ANKS1B: variants seen among roughly 807,000 people sequenced by gnomAD.
ANKS1B encodes ankyrin repeat and sterile alpha motif domain-containing protein 1B.
ANKS1B carries 36 observed loss-of-function variants against 148.3 expected under a neutral mutation model. The observed-to-expected ratio is 0.24, with a 90% CI of 0.19 to 0.32. ANKS1B has a LOEUF of 0.32. Among genes scored for constraint, ANKS1B ranks in the 10% least tolerant of loss-of-function variants. The pLI, the probability that ANKS1B is intolerant of heterozygous loss-of-function variation, is 1.00. For missense variants in ANKS1B, 1,157 were observed against 1,542.6 expected (o/e 0.75, Z 4.19); for synonymous variants, 542 against 560.8 (o/e 0.97, Z 0.47).
intron 8 of ANKS1B, among the ~76,000 whole-genome samples, chr12:99,723,924 G>C (rs2058358789): frequency 6.6e-6 from 1 of 151,356 alleles, no homozygotes; most frequent in South Asian, 2.1e-4. Context: ...CCTGACCATT[G>C]AAAGAAAAAC....
At chr12:99,631,999 A>G (rs2098165511) in intron 9 of ANKS1B, among the ~76,000 whole-genome samples, 1 of 152,212 alleles carries the variant, frequency 6.6e-6, no homozygotes, top group Admixed American at 6.5e-5. Context: ...AGCATTTCAG[A>G]AATCTTCAAG....
chr12:99,483,121 A>C (rs2096438531), intron 10 of ANKS1B, among the ~76,000 whole-genome samples: 1 of 151,276 alleles, frequency 6.6e-6, no homozygotes. Flanking sequence ...ATTCCATATG[A>C]TGTTGGCTGT....
intron 15 of ANKS1B, among the ~76,000 whole-genome samples, chr12:99,133,957 A>G (rs1368543387): frequency 2.0e-5 from 3 of 152,246 alleles, no homozygotes; most frequent in Non-Finnish European, 4.4e-5. Context: ...ACTGAAGCAC[A>G]GAGACATTAA....
At chr12:99,337,882 C>T (rs563701861) in intron 12 of ANKS1B, among the ~76,000 whole-genome samples, 55 of 152,158 alleles carry the variant, frequency 3.6e-4, no homozygotes, top group Admixed American at 3.5e-3. Flanking sequence ...TAGTCTTTCA[C>T]TCTGTGCTGA....
intron 17 of ANKS1B, among the ~76,000 whole-genome samples, chr12:99,044,075 G>A (rs1288215908): frequency 6.6e-6 from 1 of 152,162 alleles, no homozygotes; most frequent in Non-Finnish European, 1.5e-5. Context: ...TTTCGTGTAT[G>A]TATTTGTGAA....
intron 15 of ANKS1B, among the ~76,000 whole-genome samples, chr12:99,139,934 G>T (rs1280088146): frequency 2.0e-5 from 3 of 152,172 alleles, no homozygotes; most frequent in Non-Finnish European, 4.4e-5. Context: ...AAGGATAAAA[G>T]ATGCAGATTT....
At chr12:99,776,683 GTTGT>G (rs531613554) in intron 6 of ANKS1B, among the ~76,000 whole-genome samples, 444 of 118,000 alleles carry the variant, frequency 3.8e-3, no homozygotes, top group Admixed American at 6.2e-3. Flanking sequence ...TTTCTTTTTG[GTTGT>G]TTGTTTGTTT....
At chr12:98,855,027 C>T (rs936566348) in intron 17 of ANKS1B, among the ~76,000 whole-genome samples, 9 of 151,916 alleles carry the variant, frequency 5.9e-5, no homozygotes, top group African/African-American at 2.2e-4. Flanking sequence ...GGCGCGGTGG[C>T]GGGCGCCTGT....
At chr12:99,236,604 A>G (rs533700060) in intron 14 of ANKS1B, among the ~76,000 whole-genome samples, 3 of 152,222 alleles carry the variant, frequency 2.0e-5, no homozygotes, top group Non-Finnish European at 4.4e-5. Context: ...TTACAATTCA[A>G]GATGAGATTT....
intron 12 of ANKS1B, among the ~76,000 whole-genome samples, chr12:99,335,362 A>T (rs1045254272): frequency 6.6e-6 from 1 of 152,000 alleles, no homozygotes; most frequent in African/African-American, 2.4e-5. Context: ...TGAACATTCC[A>T]ATTATATTGT....
intron 8 of ANKS1B, among the ~76,000 whole-genome samples, chr12:99,707,490 T>C (rs2055992718): frequency 6.6e-6 from 1 of 152,048 alleles, no homozygotes; most frequent in African/African-American, 2.4e-5. Context: ...TAATAAAATG[T>C]TAAGAGTAGA....
At chr12:99,216,181 A>G (rs1241132056) in intron 14 of ANKS1B, among the ~76,000 whole-genome samples, 2 of 152,184 alleles carry the variant, frequency 1.3e-5, no homozygotes, top group Admixed American at 6.5e-5. Context: ...GCCTTCTGTC[A>G]TGATTGTGAG....
At chr12:99,875,438 GA>G (rs34189477) in intron 1 of ANKS1B, among the ~76,000 whole-genome samples, 31 of 148,348 alleles carry the variant, frequency 2.1e-4, no homozygotes, top group African/African-American at 5.7e-4. Flanking sequence ...GTTTAACTTA[GA>G]AAAAAAAAAG....
intron 1 of ANKS1B, among the ~76,000 whole-genome samples, chr12:99,978,340 T>C (rs1350111959): frequency 6.6e-6 from 1 of 152,168 alleles, no homozygotes; most frequent in Non-Finnish European, 1.5e-5. Flanking sequence ...CTCAGTGTTT[T>C]GAAAAGGGAG....
chr12:99,128,444 A>G (rs73388648), intron 15 of ANKS1B, among the ~76,000 whole-genome samples: 2,649 of 152,218 alleles, frequency 0.017, 72 homozygotes, highest in African/African-American at 0.06. Flanking sequence ...ATCAGGCAGT[A>G]CAGAAGGATG....
chr12:98,755,336 T>C (rs1488726189), intron 25 of ANKS1B, among the ~76,000 whole-genome samples: 2 of 152,214 alleles, frequency 1.3e-5, no homozygotes, highest in African/African-American at 4.8e-5. Flanking sequence ...GAAGCCCATC[T>C]TGCAAACCTC....
chr12:99,300,443 T>C (rs949971038), intron 12 of ANKS1B, among the ~76,000 whole-genome samples: 15 of 151,856 alleles, frequency 9.9e-5, no homozygotes, highest in African/African-American at 3.6e-4. Context: ...CCACTAAGTT[T>C]AGAACATCAC....
At chr12:99,076,853 G>C (rs1341799080) in intron 16 of ANKS1B, among the ~76,000 whole-genome samples, 16 of 151,848 alleles carry the variant, frequency 1.1e-4, no homozygotes, top group Admixed American at 1.1e-3. Flanking sequence ...AAGTTATTTG[G>C]AACACAGCCA....
At chr12:99,032,228 A>G (rs2099952663) in intron 17 of ANKS1B, among the ~76,000 whole-genome samples, 2 of 152,236 alleles carry the variant, frequency 1.3e-5, no homozygotes, top group African/African-American at 4.8e-5. Context: ...TAAAGCTGAT[A>G]TCACAGCTTC....
Sources: gnomAD v4.1 joint callset for allele counts (sites outside exome capture counted in the v4.1 genomes callset) on GRCh38, gnomAD v4.1.1 for gene constraint, MANE v1.5 for transcripts, NCBI Gene and HGNC (gene_info 2026-07-23, HGNC 2026-07-21) for gene names.